Variants in GPATCH2L observed in about 807,000 individuals in gnomAD.
GPATCH2L encodes G patch domain-containing protein 2-like.
GPATCH2L carries 31 observed loss-of-function variants against 57.4 expected under a neutral mutation model. That is an observed-to-expected ratio of 0.54 (90% CI 0.41 to 0.73). GPATCH2L has a LOEUF of 0.73. Among genes scored for constraint, GPATCH2L ranks in the 30% least tolerant of loss-of-function variants. The pLI is 0.00. For synonymous variants in GPATCH2L, 199 were observed against 210.7 expected, an observed-to-expected ratio of 0.94 and a Z score of 0.48; for missense variants, 481 against 599.9, an observed-to-expected ratio of 0.80 and a Z score of 2.07.
intron 1 of GPATCH2L, among the ~76,000 whole-genome samples, chr14:76,224,904 T>C (rs947024112): frequency 2.0e-5 from 3 of 152,038 alleles, no homozygotes; most frequent in African/African-American, 7.2e-5. Context: ...ATCGAAGACA[T>C]AAACTGAGAA....
At chr14:76,177,894 T>G in intron 6 of GPATCH2L, 94 bp from the exon 7 acceptor site, 1 of 1,585,672 alleles carries the variant, frequency 6.3e-7, no homozygotes, top group Non-Finnish European at 8.7e-7. Flanking sequence ...CTCTTTAGTT[T>G]CTGGTTACCA....
rs1595003761 is a variant in GPATCH2L, at chr14:76,206,481, T to C, written c.*4630T>C. On this transcript the variant is annotated 3_prime_UTR_variant, in exon 10 of 10. Coordinates refer to ENST00000261530, the MANE Select transcript of GPATCH2L (RefSeq NM_017926.4). ...CACTGCGAGTAGACATCATAAATGCTTGGTAAAATTGCCAGATTTAGGGAA... is the reference window on the plus strand; with the variant it reads ...CACTGCGAGTAGACATCATAAATGCCTGGTAAAATTGCCAGATTTAGGGAA... The C allele has an allele frequency of 6.6e-6, 1 of 152,328 alleles. No homozygotes were observed. The highest frequency in any genetic ancestry group is 2.4e-5 in the African/African-American group (1 of 41,560). The allele number at this position is 152,328 out of a possible 1,614,324, so 9.4% of individuals were successfully genotyped here.
At chr14:76,194,091 G>A (rs2040070472) in intron 8 of GPATCH2L, among the ~76,000 whole-genome samples, 1 of 152,098 alleles carries the variant, frequency 6.6e-6, no homozygotes, top group Non-Finnish European at 1.5e-5. Flanking sequence ...CGTTCAGACT[G>A]AAGTCCTGTC....
chr14:76,228,176 G>T (rs1040264111), intron 1 of GPATCH2L, among the ~76,000 whole-genome samples: 2 of 152,236 alleles, frequency 1.3e-5, no homozygotes, highest in Middle Eastern at 3.4e-3. Context: ...GTTTCGCATC[G>T]CCATTTAAAA....
At chr14:76,222,825 A>C (rs1263928255) in intron 1 of GPATCH2L, among the ~76,000 whole-genome samples, 1 of 150,770 alleles carries the variant, frequency 6.6e-6, no homozygotes, top group African/African-American at 2.4e-5. Flanking sequence ...TCGTGGTGGC[A>C]TGCTCCTGTA....
chr14:76,173,814 C>T (rs1479067558), intron 5 of GPATCH2L, 189 bp downstream of exon 5: 3 of 504,046 alleles, frequency 6.0e-6, no homozygotes, highest in Non-Finnish European at 7.1e-6. Flanking sequence ...AAAGATGAAA[C>T]GTAATTCATA....
intron 9 of GPATCH2L, among the ~76,000 whole-genome samples, chr14:76,199,218 A>G (rs1432564266): frequency 6.6e-6 from 1 of 152,150 alleles, no homozygotes; most frequent in African/African-American, 2.4e-5. Flanking sequence ...ATCTTTAAAA[A>G]TCTTCTCCCT....
At chr14:76,170,389 T>C (rs2039031638) in intron 3 of GPATCH2L, among the ~76,000 whole-genome samples, 1 of 152,196 alleles carries the variant, frequency 6.6e-6, no homozygotes, top group Non-Finnish European at 1.5e-5. Flanking sequence ...TTATCTATTC[T>C]TTGTTGGCAG....
At position 76,210,820 on chromosome 14, in the gene GPATCH2L, G is replaced by A. The variant is rs2040432668; in HGVS notation, c.*8969G>A. 6.6e-6 allele frequency: 1 copy of A among 152,114 alleles called. No homozygotes were observed. 9.4% of individuals were successfully genotyped at this position (152,114 alleles called of 1,614,324 possible). On this transcript the variant is annotated 3_prime_UTR_variant, in exon 10 of 10. Coordinates refer to ENST00000261530, the MANE Select transcript of GPATCH2L (RefSeq NM_017926.4). The stretch of plus-strand genomic sequence containing the variant: ...AGCAAAAGCTGCCTTAACAGTCTTG[G>A]CTTTTAGAAATGCCCCTTCATTCAT...
At chr14:76,177,697 G>GTTTTTTT (rs137962368) in intron 6 of GPATCH2L, among the ~76,000 whole-genome samples, 10 of 127,354 alleles carry the variant, frequency 7.9e-5, no homozygotes, top group African/African-American at 1.2e-4. Context: ...CTTTGAAGAG[G>GTTTTTTT]TTTTTTTTTG....
At chr14:76,219,457 T>A (rs538978152) in intron 1 of GPATCH2L, among the ~76,000 whole-genome samples, 1 of 152,312 alleles carries the variant, frequency 6.6e-6, no homozygotes, top group African/African-American at 2.4e-5. Flanking sequence ...TTGTATAAAC[T>A]AGTGCCAAGT....
rs1008153178 is a variant in GPATCH2L at position 76,201,877 on chromosome 14, C to T, written c.*26C>T. 1.9e-6 allele frequency: 3 copies of T among 1,600,722 alleles called. No individual in the cohort carries two copies. Among genetic ancestry groups the T allele is most frequent in the Non-Finnish European group, 1.7e-6 (2 of 1,172,170 alleles). On this transcript the variant is annotated 3_prime_UTR_variant, in exon 10 of 10. Coordinates refer to ENST00000261530, the MANE Select transcript of GPATCH2L (RefSeq NM_017926.4). ...AGAGCAGGACTTCACCCTCCAGGAGCTGACTGGGTGTTGCTGAAGCAAATG... is the reference window on the plus strand; with the variant it reads ...AGAGCAGGACTTCACCCTCCAGGAGTTGACTGGGTGTTGCTGAAGCAAATG...
chr14:76,155,098 G>A, intron 2 of GPATCH2L, 73 bp downstream of exon 2: 1 of 1,242,062 alleles, frequency 8.1e-7, no homozygotes, highest in Non-Finnish European at 1.1e-6. Flanking sequence ...TGGTCTTAGT[G>A]GGTTCTACCT....
In GPATCH2L at chr14:76,154,721, A is replaced by T; in HGVS notation, c.358A>T (p.Asn120Tyr). 6.2e-7 allele frequency: 1 copy of T among 1,614,190 alleles called. No individual in the cohort carries two copies. The highest frequency in any genetic ancestry group is 1.3e-5 in the African/African-American group (1 of 75,042). Residue 120 changes from asparagine (N) to tyrosine (Y), a missense_variant, in exon 2 of 10, where the codon AAT becomes TAT. Asn to Tyr is a moderately radical substitution (Grantham distance 143). Around this residue, in one of 3 missense-constraint regions of GPATCH2L, gnomAD observed 208 missense variants for 272.4 expected, o/e 0.76. Transcript: ENST00000261530. The surrounding 1 kb of genome is among the most constrained non-coding windows in gnomAD (Gnocchi z 4.4). The stretch of plus-strand genomic sequence containing the variant: ...GCATGAATCTGACTCCTTTACTGAA[A>T]ATGCACCTTGTCGACCACTCAGGCG... ...SWHESDSFTE[N>Y]APCRPLRRRR...
At chr14:76,184,023 GGTGTGT>G (rs3220936) in intron 8 of GPATCH2L, among the ~76,000 whole-genome samples, 37 of 5,930 alleles carry the variant, frequency 6.2e-3, no homozygotes, top group Admixed American at 9.9e-3. Flanking sequence ...TCATTAGCAT[GGTGTGT>G]GTGTGTGTGT....
intron 1 of GPATCH2L, among the ~76,000 whole-genome samples, chr14:76,223,977 G>C (rs1349354610): frequency 6.6e-6 from 1 of 152,194 alleles, no homozygotes; most frequent in African/African-American, 2.4e-5. Flanking sequence ...AACTAAAAGT[G>C]AAAACCACCC....
intron 1 of GPATCH2L, among the ~76,000 whole-genome samples, chr14:76,152,224 C>T (rs1016677688): frequency 1.3e-5 from 2 of 152,184 alleles, no homozygotes; most frequent in African/African-American, 4.8e-5. Context: ...CTTTCTGCCT[C>T]TCTGGGGCGG....
rs536470588 is a variant in GPATCH2L at position 76,210,331 on chromosome 14, G to A, written c.*8480G>A. 7 of 152,332 alleles carry A rather than the reference G, an allele frequency of 4.6e-5. No individual in the cohort carries two copies. Among genetic ancestry groups the A allele is most frequent in the Admixed American group, 2.6e-4 (4 of 15,306 alleles). 9.4% of individuals were successfully genotyped at this position (152,332 alleles called of 1,614,324 possible). A position where few individuals can be genotyped will look rare whatever the true frequency, so the allele number is the denominator to read the frequency against. ...AGTGTCAGTCAAGATTCAGATTCAAGTCTGATGTTAAAGAGTGTCTGTTCC... is the reference window on the plus strand; with the variant it reads ...AGTGTCAGTCAAGATTCAGATTCAAATCTGATGTTAAAGAGTGTCTGTTCC... On this transcript the variant is annotated 3_prime_UTR_variant, in exon 10 of 10. Coordinates refer to ENST00000261530, the MANE Select transcript of GPATCH2L (RefSeq NM_017926.4).
downstream of GPATCH2L, among the ~76,000 whole-genome samples, chr14:76,215,536 AC>A (rs1160562918): frequency 6.6e-6 from 1 of 151,506 alleles, no homozygotes; most frequent in Non-Finnish European, 1.5e-5. Context: ...ACAATGATAG[AC>A]TGGATTAAGA....
Sources: gnomAD v4.1 joint callset for allele counts (sites outside exome capture counted in the v4.1 genomes callset) on GRCh38, gnomAD v4.1.1 for gene constraint, gnomAD v4.1.1 regional missense constraint, Gnocchi (gnomAD v3.1) non-coding constraint, MANE v1.5 for transcripts, NCBI Gene and HGNC (gene_info 2026-07-23, HGNC 2026-07-21) for gene names.